The following DSCAM variants were observed in gnomAD, a reference collection of about 807,000 sequenced individuals.
DSCAM encodes DS cell adhesion molecule.
Under a neutral mutation model 217.7 loss-of-function variants are expected in DSCAM, and 47 were observed. That is an observed-to-expected ratio of 0.22 (90% CI 0.17 to 0.28). DSCAM has a LOEUF of 0.28. Among genes scored for constraint, DSCAM ranks in the 10% least tolerant of loss-of-function variants. DSCAM has a pLI of 1.00. For synonymous variants in DSCAM, 1,056 were observed against 1,015.3 expected (o/e 1.04, Z -0.76); for missense variants, 2,080 against 2,618.3 (o/e 0.79, Z 4.49).
chr21:40,378,554 A>ATT (rs71186931), intron 3 of DSCAM, among the ~76,000 whole-genome samples: 5 of 75,710 alleles, frequency 6.6e-5, no homozygotes, highest in Admixed American at 1.8e-4. Flanking sequence ...ATGAAAACTT[A>ATT]TTTTTTTTTT....
chr21:40,580,273 C>CT (rs571656735), intron 3 of DSCAM, among the ~76,000 whole-genome samples: 27 of 151,988 alleles, frequency 1.8e-4, no homozygotes, highest in Non-Finnish European at 3.2e-4. Flanking sequence ...TGGCTCACGT[C>CT]TGTAGTCCCA....
intron 16 of DSCAM, among the ~76,000 whole-genome samples, chr21:40,146,893 CTA>C (rs1323853649): frequency 1.3e-5 from 2 of 152,122 alleles, no homozygotes; most frequent in East Asian, 1.9e-4. Context: ...TTCAATTACT[CTA>C]TGTGAAAATT....
At chr21:40,076,870 TC>T (rs1465327651) in intron 26 of DSCAM, among the ~76,000 whole-genome samples, 2 of 152,234 alleles carry the variant, frequency 1.3e-5, no homozygotes, top group Non-Finnish European at 2.9e-5. Context: ...TACTTACTAC[TC>T]AAATGTGTGC....
intron 1 of DSCAM, among the ~76,000 whole-genome samples, chr21:40,778,227 A>G (rs1184332744): frequency 3.9e-5 from 6 of 152,244 alleles, no homozygotes; most frequent in African/African-American, 1.4e-4. Context: ...ATTATAAAAC[A>G]GTAAGCAAAT....
chr21:40,470,131 A>G (rs1488634689), intron 3 of DSCAM, among the ~76,000 whole-genome samples: 1 of 152,244 alleles, frequency 6.6e-6, no homozygotes, highest in Non-Finnish European at 1.5e-5. Context: ...GTCATGTTAT[A>G]ATTAATATAA....
chr21:40,342,966 A>G (rs949654202), intron 6 of DSCAM, among the ~76,000 whole-genome samples: 1 of 151,652 alleles, frequency 6.6e-6, no homozygotes, highest in Non-Finnish European at 1.5e-5. Context: ...ATATCTTTTC[A>G]ATTTTTTAGG....
chr21:40,534,312 C>A (rs192865768), intron 3 of DSCAM, among the ~76,000 whole-genome samples: 1 of 152,234 alleles, frequency 6.6e-6, no homozygotes, highest in Non-Finnish European at 1.5e-5. Context: ...AGATTATATT[C>A]TTGGATATTA....
At chr21:40,163,942 A>C (rs2090567055) in intron 16 of DSCAM, among the ~76,000 whole-genome samples, 1 of 152,174 alleles carries the variant, frequency 6.6e-6, no homozygotes, top group Admixed American at 6.5e-5. Context: ...GGCAATTGTG[A>C]TATGGAACAC....
At chr21:40,609,382 T>C (rs548510799) in intron 3 of DSCAM, among the ~76,000 whole-genome samples, 2 of 152,232 alleles carry the variant, frequency 1.3e-5, no homozygotes, top group African/African-American at 2.4e-5. Context: ...ATTGTTGCCA[T>C]AAAATTTGTA....
chr21:40,025,818 A>G (rs1325342531), intron 32 of DSCAM, among the ~76,000 whole-genome samples: 7 of 150,674 alleles, frequency 4.6e-5, no homozygotes, highest in Non-Finnish European at 8.9e-5. Flanking sequence ...CTTTCAAAAA[A>G]CCAGCTCCTG....
chr21:40,230,396 A>G (rs1044186630), intron 11 of DSCAM, among the ~76,000 whole-genome samples: 1 of 152,168 alleles, frequency 6.6e-6, no homozygotes, highest in African/African-American at 2.4e-5. Context: ...TCAGTTTATC[A>G]GTTTCTCTTT....
chr21:40,833,207 C>A (rs1371573551), intron 1 of DSCAM, among the ~76,000 whole-genome samples: 1 of 152,022 alleles, frequency 6.6e-6, no homozygotes, highest in African/African-American at 2.4e-5. Context: ...CCTCTTCAAG[C>A]GTTTCTCCAC....
intron 32 of DSCAM, among the ~76,000 whole-genome samples, chr21:40,019,514 G>C (rs2088223793): frequency 6.6e-6 from 1 of 152,224 alleles, no homozygotes. Context: ...TAAGGAATCT[G>C]TTTCCACAGG....
intron 3 of DSCAM, among the ~76,000 whole-genome samples, chr21:40,663,740 A>G (rs1454116476): frequency 6.6e-6 from 1 of 152,154 alleles, no homozygotes; most frequent in African/African-American, 2.4e-5. Flanking sequence ...TCTAAACCAG[A>G]GTACTCCAAG....
At chr21:40,701,732 G>A (rs1391188700) in intron 2 of DSCAM, among the ~76,000 whole-genome samples, 1 of 151,696 alleles carries the variant, frequency 6.6e-6, no homozygotes, top group African/African-American at 2.4e-5. Flanking sequence ...CAGGTACTTG[G>A]TTATTTCTCA....
At chr21:40,064,831 A>G (rs1465334058) in intron 27 of DSCAM, among the ~76,000 whole-genome samples, 2 of 152,186 alleles carry the variant, frequency 1.3e-5, no homozygotes, top group African/African-American at 4.8e-5. Flanking sequence ...GTGACTTTGT[A>G]TTACTGACCT....
intron 6 of DSCAM, among the ~76,000 whole-genome samples, chr21:40,344,142 G>A (rs747352762): frequency 5.3e-5 from 8 of 152,070 alleles, no homozygotes; most frequent in Admixed American, 1.3e-4. Context: ...CGAGTGAGCC[G>A]CCTGTCTCGG....
chr21:40,474,166 G>T (rs370877640), intron 3 of DSCAM, among the ~76,000 whole-genome samples: 1 of 152,060 alleles, frequency 6.6e-6, no homozygotes, highest in African/African-American at 2.4e-5. Context: ...GGTGGCAGGC[G>T]CCTGTAATCC....
intron 4 of DSCAM, among the ~76,000 whole-genome samples, chr21:40,354,648 G>T (rs2074670888): frequency 2.0e-5 from 3 of 151,996 alleles, no homozygotes; most frequent in Admixed American, 2.0e-4. Flanking sequence ...AGGAGATCGA[G>T]ACCATCCCGG....
Sources: gnomAD v4.1 joint callset for allele counts (sites outside exome capture counted in the v4.1 genomes callset) on GRCh38, gnomAD v4.1.1 for gene constraint, MANE v1.5 for transcripts, NCBI Gene and HGNC (gene_info 2026-07-23, HGNC 2026-07-21) for gene names.